ATG10: variants seen among roughly 807,000 people sequenced by gnomAD.
ATG10 encodes the protein autophagy related 10, also known as ubiquitin-like-conjugating enzyme ATG10.
In ATG10, 30 loss-of-function variants were observed where a neutral mutation model predicts 32.1. That is an observed-to-expected ratio of 0.94 (90% confidence interval 0.70 to 1.27). ATG10 has a LOEUF of 1.27. Among genes scored for constraint, ATG10 ranks in the 50% most tolerant of loss-of-function variants. ATG10 has a pLI of 0.00. For missense variants in ATG10, 233 were observed against 262.3 expected, an observed-to-expected ratio of 0.89 and a Z score of 0.77; for synonymous variants, 87 against 91.5, an observed-to-expected ratio of 0.95 and a Z score of 0.28.
At chr5:82,066,123 A>G (rs1210191928) in intron 3 of ATG10, among the ~76,000 whole-genome samples, 1 of 152,168 alleles carries the variant, frequency 6.6e-6, no homozygotes, top group East Asian at 1.9e-4. Context: ...AGTATTTCCT[A>G]TGTAACTCGT....
chr5:82,044,974 A>C (rs1279676422), intron 2 of ATG10, among the ~76,000 whole-genome samples: 2 of 152,140 alleles, frequency 1.3e-5, no homozygotes, highest in Non-Finnish European at 2.9e-5. Context: ...CTGTTTCTCC[A>C]AAGTCTGAAC....
At chr5:82,152,269 T>C (rs1767633717) in intron 3 of ATG10, among the ~76,000 whole-genome samples, 1 of 152,202 alleles carries the variant, frequency 6.6e-6, no homozygotes, top group Admixed American at 6.5e-5. Context: ...AGAGTCTACT[T>C]TGAATTAAGG....
At chr5:82,195,885 T>C (rs1242945909) in intron 5 of ATG10, among the ~76,000 whole-genome samples, 2 of 152,234 alleles carry the variant, frequency 1.3e-5, no homozygotes, top group African/African-American at 2.4e-5. Context: ...TCAGTTTTCT[T>C]GTGTATATAA....
chr5:82,248,100 C>G (rs537832380), intron 5 of ATG10, among the ~76,000 whole-genome samples: 3 of 152,272 alleles, frequency 2.0e-5, no homozygotes, highest in Middle Eastern at 3.4e-3. Context: ...GGCCTTAGCT[C>G]TTACTTCCTA....
At chr5:82,194,188 G>T (rs1744768799) in intron 5 of ATG10, among the ~76,000 whole-genome samples, 1 of 152,178 alleles carries the variant, frequency 6.6e-6, no homozygotes, top group Non-Finnish European at 1.5e-5. Context: ...TAGGGTGTGT[G>T]TGTGGGGAAA....
intron 5 of ATG10, among the ~76,000 whole-genome samples, chr5:82,201,596 C>A (rs552844965): frequency 3.9e-4 from 59 of 152,274 alleles, no homozygotes; most frequent in African/African-American, 1.3e-3. Context: ...AAGAATGAGT[C>A]TTCCAACTTT....
chr5:81,996,022 T>C (rs1761654278), intron 2 of ATG10, among the ~76,000 whole-genome samples: 1 of 152,228 alleles, frequency 6.6e-6, no homozygotes, highest in African/African-American at 2.4e-5. Context: ...TTGCTAAATA[T>C]TTGATTTTTA....
intron 5 of ATG10, among the ~76,000 whole-genome samples, chr5:82,252,066 A>G (rs573695117): frequency 1.3e-5 from 2 of 152,372 alleles, no homozygotes; most frequent in East Asian, 3.9e-4. Context: ...CTCGTGGAAC[A>G]TGTGCCCACT....
chr5:81,979,388 C>T (rs922657606), intron 1 of ATG10, among the ~76,000 whole-genome samples: 7 of 151,964 alleles, frequency 4.6e-5, no homozygotes, highest in Non-Finnish European at 7.4e-5. Context: ...ATTAGCTGGG[C>T]GTGGTGGCGG....
At chr5:82,251,118 G>T (rs1747238541) in intron 5 of ATG10, among the ~76,000 whole-genome samples, 1 of 152,170 alleles carries the variant, frequency 6.6e-6, no homozygotes, top group African/African-American at 2.4e-5. Flanking sequence ...ATCACTAGTG[G>T]ATAACTCATC....
At chr5:82,188,523 A>G (rs868476202) in intron 5 of ATG10, among the ~76,000 whole-genome samples, 5 of 152,284 alleles carry the variant, frequency 3.3e-5, no homozygotes, top group Middle Eastern at 3.4e-3. Flanking sequence ...ATTACCTACC[A>G]TCAATTATTA....
intron 4 of ATG10, among the ~76,000 whole-genome samples, chr5:82,170,861 C>T (rs193265610): frequency 5.9e-5 from 9 of 152,070 alleles, no homozygotes; most frequent in Non-Finnish European, 8.8e-5. Flanking sequence ...GGTGGAAAAT[C>T]GCTTGAACCC....
intron 5 of ATG10, among the ~76,000 whole-genome samples, chr5:82,228,649 T>C (rs934902763): frequency 2.0e-5 from 3 of 152,254 alleles, no homozygotes; most frequent in African/African-American, 7.2e-5. Context: ...AAGATAATGA[T>C]GTAATATTAA....
chr5:81,979,409 T>G (rs1581558679), intron 1 of ATG10, among the ~76,000 whole-genome samples: 1 of 152,006 alleles, frequency 6.6e-6, no homozygotes, highest in Non-Finnish European at 1.5e-5. Flanking sequence ...GCCCCTGTAG[T>G]CCTAGCTACT....
At position 82,036,960 on chromosome 5, in the gene ATG10, G is replaced by A. The variant is rs553092098; in HGVS notation, c.109-21535G>A. On this transcript the variant is annotated intron_variant, in intron 2 of 7. Transcript: ENST00000282185. ...ATCCTGGCCAACATGGTGAAACCCCGTCTGTACTAAAAATACAAAAATTAG... is the reference window on the plus strand; with the variant it reads ...ATCCTGGCCAACATGGTGAAACCCCATCTGTACTAAAAATACAAAAATTAG... Among the ~76,000 whole-genome samples the A allele has an allele frequency of 7.9e-4, 120 of 151,084 alleles. 3 individuals are homozygous for A. The highest frequency in any genetic ancestry group is 7.5e-3 in the South Asian group (36 of 4,776).
intron 3 of ATG10, among the ~76,000 whole-genome samples, chr5:82,060,585 G>A (rs1426317730): frequency 1.3e-5 from 2 of 152,170 alleles, no homozygotes; most frequent in Non-Finnish European, 2.9e-5. Flanking sequence ...CATGTCGGCC[G>A]GGTGCGGTGG....
At chr5:82,066,570 A>C (rs1001293021) in intron 3 of ATG10, among the ~76,000 whole-genome samples, 3 of 152,178 alleles carry the variant, frequency 2.0e-5, no homozygotes, top group African/African-American at 7.2e-5. Context: ...GGCAGGTAGA[A>C]TATTATAGAA....
At chr5:82,124,103 C>T (rs1399977718) in intron 3 of ATG10, among the ~76,000 whole-genome samples, 11 of 138,352 alleles carry the variant, frequency 8.0e-5, no homozygotes, top group East Asian at 4.1e-4. Flanking sequence ...GATGGAGTCT[C>T]GCTCTGTCAC....
chr5:81,979,007 C>G (rs1760951866), intron 1 of ATG10, among the ~76,000 whole-genome samples: 1 of 152,002 alleles, frequency 6.6e-6, no homozygotes, highest in African/African-American at 2.4e-5. Context: ...TTAAGTGATT[C>G]TCCTGCCTCA....
Sources: gnomAD v4.1 joint callset for allele counts (sites outside exome capture counted in the v4.1 genomes callset) on GRCh38, gnomAD v4.1.1 for gene constraint, MANE v1.5 for transcripts, NCBI Gene and HGNC (gene_info 2026-07-23, HGNC 2026-07-21) for gene names.